Variants in RIT2 observed in about 807,000 individuals in gnomAD.
RIT2 encodes the protein Ras like without CAAX 2.
Under a neutral mutation model 23.7 loss-of-function variants are expected in RIT2, and 24 were observed. The observed-to-expected ratio is 1.01, with a 90% CI of 0.73 to 1.43. The LOEUF (loss-of-function observed/expected upper bound fraction) is 1.43, where lower values mean the gene tolerates loss of function less well. RIT2 is among the 40% of genes most tolerant of loss of function. The pLI, the probability that RIT2 is intolerant of heterozygous loss-of-function variation, is 0.00. For missense variants in RIT2, 236 were observed against 266.9 expected, an observed-to-expected ratio of 0.88 and a Z score of 0.81; for synonymous variants, 107 against 91.1, an observed-to-expected ratio of 1.17 and a Z score of -0.99.
intron 4 of RIT2, among the ~76,000 whole-genome samples, chr18:42,764,873 T>C (rs763966898): frequency 6.6e-6 from 1 of 152,248 alleles, no homozygotes; most frequent in Non-Finnish European, 1.5e-5. Flanking sequence ...AACTAATTTG[T>C]GATGCAGTCT....
chr18:43,103,820 GGGA>G (rs1402731768), intron 1 of RIT2, among the ~76,000 whole-genome samples: 3 of 152,254 alleles, frequency 2.0e-5, no homozygotes, highest in African/African-American at 7.2e-5. Flanking sequence ...TAGTTGTTTG[GGGA>G]GGAGAAGAAT....
chr18:43,019,012 G>A (rs563741678), intron 2 of RIT2, among the ~76,000 whole-genome samples: 13 of 151,842 alleles, frequency 8.6e-5, no homozygotes, highest in African/African-American at 3.1e-4. Flanking sequence ...AGAAAACAAT[G>A]AACAAAAAGA....
intron 4 of RIT2, among the ~76,000 whole-genome samples, chr18:42,758,687 T>A (rs1261994858): frequency 1.3e-5 from 2 of 150,720 alleles, no homozygotes; most frequent in Admixed American, 6.6e-5. Flanking sequence ...CTAATTTTTT[T>A]TTTTTTTTTG....
In RIT2 at chr18:42,997,902, G is replaced by A. The variant is rs1034388950; in HGVS notation, c.161-23755C>T. ...CATGCCTGATGATCATTGACATAGA[G>A]TTATTTTTCCATGTCCTTGACTACT... On this transcript the variant is annotated intron_variant, in intron 2 of 4. Coordinates refer to ENST00000326695, the MANE Select transcript of RIT2 (RefSeq NM_002930.4). 3.9e-5 allele frequency among the ~76,000 whole-genome samples: 6 copies of A among 152,212 alleles called. No homozygotes were observed. In the East Asian group the frequency reaches 1.2e-3, roughly 29 times the overall value.
intron 4 of RIT2, among the ~76,000 whole-genome samples, chr18:42,765,304 A>C (rs570016057): frequency 7.2e-5 from 11 of 152,246 alleles, no homozygotes; most frequent in Non-Finnish European, 1.3e-4. Context: ...TGGACAATTT[A>C]AGAACAATAA....
At chr18:43,020,504 C>CA (rs200614689) in intron 2 of RIT2, among the ~76,000 whole-genome samples, 2,589 of 151,148 alleles carry the variant, frequency 0.017, 42 homozygotes, top group Non-Finnish European at 0.025. Context: ...CAAAACAAAA[C>CA]AAAAAAAATG....
intron 4 of RIT2, among the ~76,000 whole-genome samples, chr18:42,799,633 AATG>A (rs1203894774): frequency 5.3e-5 from 8 of 152,290 alleles, no homozygotes; most frequent in African/African-American, 1.9e-4. Flanking sequence ...CTTATAATAC[AATG>A]AAGACTAAAA....
intron 1 of RIT2, among the ~76,000 whole-genome samples, chr18:43,060,564 CT>C (rs1333735518): frequency 6.6e-6 from 1 of 152,124 alleles, no homozygotes; most frequent in Non-Finnish European, 1.5e-5. Context: ...CATTACCAAG[CT>C]GGACACCAGT....
chr18:43,075,029 T>C (rs1912981172), intron 1 of RIT2, among the ~76,000 whole-genome samples: 1 of 152,116 alleles, frequency 6.6e-6, no homozygotes, highest in Non-Finnish European at 1.5e-5. Context: ...CTGCACATCC[T>C]GCACATGTAC....
chr18:42,876,936 GA>G (rs954156432), intron 4 of RIT2, among the ~76,000 whole-genome samples: 6 of 151,770 alleles, frequency 4.0e-5, no homozygotes, highest in Non-Finnish European at 8.9e-5. Context: ...AAGCGTAGTG[GA>G]AAATCCAAAC....
chr18:43,082,756 C>T (rs965681581), intron 1 of RIT2, among the ~76,000 whole-genome samples: 1 of 151,890 alleles, frequency 6.6e-6, no homozygotes, highest in Non-Finnish European at 1.5e-5. Context: ...CTATTTATGA[C>T]AAACCCATAC....
At chr18:42,865,981 A>T (rs1448241156) in intron 4 of RIT2, among the ~76,000 whole-genome samples, 1 of 152,132 alleles carries the variant, frequency 6.6e-6, no homozygotes, top group African/African-American at 2.4e-5. Flanking sequence ...CTGTGATACC[A>T]TCACCTCAAA....
intron 1 of RIT2, among the ~76,000 whole-genome samples, chr18:43,076,063 A>G (rs1913006221): frequency 6.6e-6 from 1 of 152,242 alleles, no homozygotes; most frequent in Non-Finnish European, 1.5e-5. Context: ...TGCTGTTGGC[A>G]TTCCTAGACA....
intron 2 of RIT2, among the ~76,000 whole-genome samples, chr18:43,021,227 C>A (rs973592094): frequency 3.3e-5 from 5 of 151,820 alleles, no homozygotes; most frequent in Non-Finnish European, 7.4e-5. Flanking sequence ...GCACAGAACT[C>A]GAAAGGATAT....
intron 4 of RIT2, among the ~76,000 whole-genome samples, chr18:42,860,336 G>A (rs1907293594): frequency 6.6e-6 from 1 of 152,208 alleles, no homozygotes; most frequent in African/African-American, 2.4e-5. Context: ...AATGGGGCAA[G>A]TTAAAAATGC....
intron 3 of RIT2, among the ~76,000 whole-genome samples, chr18:42,960,246 T>C (rs140770655): frequency 4.5e-4 from 68 of 152,332 alleles, no homozygotes; most frequent in African/African-American, 1.3e-3. Context: ...ACAGAGCATG[T>C]AAACTTGAGA....
At chr18:42,938,884 A>G (rs2144155290) in intron 3 of RIT2, among the ~76,000 whole-genome samples, 1 of 152,146 alleles carries the variant, frequency 6.6e-6, no homozygotes, top group African/African-American at 2.4e-5. Context: ...GACTACAGTC[A>G]TGTGCCACCA....
chr18:42,758,487 C>T (rs1316462025), intron 4 of RIT2, among the ~76,000 whole-genome samples: 19 of 147,238 alleles, frequency 1.3e-4, no homozygotes, highest in Admixed American at 6.1e-4. Flanking sequence ...CATTCTAATC[C>T]TTTTTTTTTT....
At chr18:43,112,589 AT>A (rs1369345365) in intron 1 of RIT2, among the ~76,000 whole-genome samples, 4 of 152,160 alleles carry the variant, frequency 2.6e-5, no homozygotes, top group African/African-American at 9.6e-5. Flanking sequence ...ATTAAAAAAT[AT>A]TTTGGTAAAA....
Sources: gnomAD v4.1 joint callset for allele counts (sites outside exome capture counted in the v4.1 genomes callset) on GRCh38, gnomAD v4.1.1 for gene constraint, MANE v1.5 for transcripts, NCBI Gene and HGNC (gene_info 2026-07-23, HGNC 2026-07-21) for gene names.